Variants in SBNO2 observed in about 807,000 individuals in gnomAD.
SBNO2 encodes the protein strawberry notch homolog 2.
In SBNO2, 89 loss-of-function variants were observed where a neutral mutation model predicts 146.3. The observed-to-expected ratio is 0.61, with a 90% CI of 0.51 to 0.73. The LOEUF (loss-of-function observed/expected upper bound fraction) is 0.73. Among genes scored for constraint, SBNO2 ranks in the 30% least tolerant of loss-of-function variants. The probability of loss-of-function intolerance (pLI) is 0.00; values close to 1 mark genes in which losing one functional copy is unlikely to be tolerated. For synonymous variants in SBNO2, 1,147 were observed against 892.6 expected, an observed-to-expected ratio of 1.29 and a Z score of -5.08; for missense variants, 2,092 against 2,003.7, an observed-to-expected ratio of 1.04 and a Z score of -0.84.
chr19:1,149,248 A>G, intron 3 of SBNO2, 121 bp downstream of exon 3: 1 of 879,610 alleles, frequency 1.1e-6, no homozygotes, highest in South Asian at 1.6e-5. Flanking sequence ...CGTGCACACC[A>G]CCCTCCAAAC....
In SBNO2 at chr19:1,110,718, A is replaced by G; in HGVS notation, c.3028+27T>C. ...ACGAGCCCCGCACCCACACCCACCCACACCACACCCCGGCACCTGTGCTCA... is the reference window on the plus strand; with the variant it reads ...ACGAGCCCCGCACCCACACCCACCCGCACCACACCCCGGCACCTGTGCTCA... On this transcript the variant is annotated intron_variant, in intron 26 of 31. Coordinates refer to ENST00000361757, the MANE Select transcript of SBNO2 (RefSeq NM_014963.3). This position sits in a 1 kb window ranked among gnomAD's most constrained non-coding sequence, Gnocchi z 4.9. The G allele has an allele frequency of 6.4e-7, 1 of 1,573,408 alleles. No homozygotes were observed. Among genetic ancestry groups the G allele is most frequent in the Non-Finnish European group, 8.6e-7 (1 of 1,158,242 alleles).
At chr19:1,113,880 CCT>C (rs1244888758) in intron 18 of SBNO2, among the ~76,000 whole-genome samples, 176 bp from the exon 19 acceptor site, 5 of 152,210 alleles carry the variant, frequency 3.3e-5, no homozygotes, top group South Asian at 2.1e-4. Flanking sequence ...CACTTGTCTC[CCT>C]GAGACCAGCT....
intron 1 of SBNO2, among the ~76,000 whole-genome samples, chr19:1,166,293 C>G (rs986061711): frequency 4.0e-5 from 6 of 151,140 alleles, no homozygotes; most frequent in South Asian, 2.1e-4. Context: ...GGAGATTCCA[C>G]GACACAAATG....
chr19:1,130,188 G>T (rs994466910), intron 4 of SBNO2, among the ~76,000 whole-genome samples: 5 of 152,168 alleles, frequency 3.3e-5, no homozygotes, highest in African/African-American at 1.2e-4. Flanking sequence ...GCAAAGCGTG[G>T]GCCTCAGGAG....
intron 1 of SBNO2, among the ~76,000 whole-genome samples, chr19:1,164,834 C>CAGG (rs1455032493): frequency 1.6e-4 from 2 of 12,234 alleles, no homozygotes; most frequent in Non-Finnish European, 3.0e-4. Context: ...GGAGGAGGAA[C>CAGG]AGGAGGAGGA....
Position 1,154,292 on chromosome 19 carries a change from G to T in SBNO2, c.-16C>A. On this transcript the variant is annotated 5_prime_UTR_variant, in exon 2 of 32. Transcript: ENST00000361757. ...CTGCAAGCATCGGGCGGCAGGCGGG[G>T]TGGGGTCCTCGGCCGGGCAGCAGGC... 2 of 1,251,228 alleles carry T rather than the reference G, an allele frequency of 1.6e-6. No homozygotes were observed. The highest frequency in any genetic ancestry group is 2.0e-6 in the Non-Finnish European group (2 of 995,612). The allele number at this position is 1,251,228 out of a possible 1,614,324, so 77.5% of individuals were successfully genotyped here.
chr19:1,108,518 A>T lies in SBNO2; in HGVS notation c.3803T>A (p.Phe1268Tyr). 8.2e-7 allele frequency: 1 copy of T among 1,217,360 alleles called. No homozygotes were observed. The highest frequency in any genetic ancestry group is 1.0e-6 in the Non-Finnish European group (1 of 976,178). The allele number at this position is 1,217,360 out of a possible 1,614,324, so 75.4% of individuals were successfully genotyped here. The change falls in exon 32 of 32, where the codon TTC (phenylalanine) becomes TAC (tyrosine). Residue 1268 changes from phenylalanine to tyrosine, a missense_variant. By Grantham distance (22) the Phe-to-Tyr change is conservative. Coordinates refer to ENST00000361757, the MANE Select transcript of SBNO2 (RefSeq NM_014963.3). ...DLTYSPPAEA[F>Y]PPPPHFSFPA... ...GAAAGAGAAGTGCGGGGGCGGCGGG[A>T]AGGCCTCGGCCGGGGGGCTGTAGGT... is the stretch of plus-strand genomic sequence containing the variant.
At chr19:1,111,707 C>A in intron 23 of SBNO2, 93 bp from the exon 24 acceptor site, 1 of 739,040 alleles carries the variant, frequency 1.4e-6, no homozygotes, top group African/African-American at 2.2e-5. Flanking sequence ...CTCCCCTAGG[C>A]CCCTGGACCC....
intron 5 of SBNO2, among the ~76,000 whole-genome samples, chr19:1,125,274 G>A (rs948900162): frequency 2.0e-5 from 3 of 148,310 alleles, no homozygotes; most frequent in African/African-American, 7.5e-5. Flanking sequence ...CAGGAGAATC[G>A]CTTAAACCCA....
In SBNO2 at chr19:1,109,501, C is replaced by A; in HGVS notation, c.3216+5G>T. ...CTCTGGGGGGGTAACCCCGCCCGAC[C>A]CCACCTTGTAGGAGAGGTAGAAGCC... On this transcript the variant is annotated splice_donor_5th_base_variant and intron_variant, in intron 28 of 31. Transcript: ENST00000361757. The surrounding 1 kb of genome is among the most constrained non-coding windows in gnomAD (Gnocchi z 4.2). 6.3e-7 allele frequency: 1 copy of A among 1,592,042 alleles called. No individual in the cohort carries two copies. Among genetic ancestry groups the A allele is most frequent in the Non-Finnish European group, 8.5e-7 (1 of 1,170,746 alleles).
chr19:1,146,493 C>T (rs754610976), intron 4 of SBNO2, among the ~76,000 whole-genome samples: 3 of 152,142 alleles, frequency 2.0e-5, no homozygotes, highest in Non-Finnish European at 4.4e-5. Context: ...CTCACATGCC[C>T]ATTACACAGG....
In SBNO2 at chr19:1,108,237, C is replaced by T. The variant is rs749889412; in HGVS notation, c.4084G>A (p.Ala1362Thr). The stretch of plus-strand genomic sequence containing the variant: ...AAGGCGTGTCAGAGAGGAGCCTGGG[C>T]GCCGGGGAAGGGTGGGCTGAACTGG... Reference protein sequence around the residue: ...VIQFSPPFPGAQAPL With the variant: ...VIQFSPPFPGTQAPL Residue 1362 changes from alanine (A) to threonine (T), a missense_variant, in exon 32 of 32, where the codon GCC becomes ACC. Coordinates refer to ENST00000361757, the MANE Select transcript of SBNO2 (RefSeq NM_014963.3). The T allele has an allele frequency of 7.9e-6, 12 of 1,526,040 alleles. No individual in the cohort carries two copies. The highest frequency in any genetic ancestry group is 2.2e-4 in the Middle Eastern group (1 of 4,568). The allele number at this position is 1,526,040 out of a possible 1,614,324, so 94.5% of individuals were successfully genotyped here.
Position 1,108,148 on chromosome 19 carries a change from C to T in SBNO2, c.*72G>A, listed in dbSNP as rs988174652. On this transcript the variant is annotated 3_prime_UTR_variant, in exon 32 of 32. Transcript: ENST00000361757. ...TGAGCAGTGGTCAGGGGACCTTGGC[C>T]CTGCTCCCCACCGCTGCTCCTAGGG... 1.1e-5 allele frequency: 15 copies of T among 1,423,132 alleles called. No individual in the cohort carries two copies. Among genetic ancestry groups the T allele is most frequent in the East Asian group, 9.8e-5 (3 of 30,622 alleles). The allele number at this position is 1,423,132 out of a possible 1,614,324, so 88.2% of individuals were successfully genotyped here.
At position 1,109,975 on chromosome 19, in the gene SBNO2, G is replaced by A. The variant is rs1439802358; in HGVS notation, c.3029-198C>T. 6.6e-6 allele frequency among the ~76,000 whole-genome samples: 1 copy of A among 151,648 alleles called. No individual in the cohort carries two copies. Among genetic ancestry groups the A allele is most frequent in the Non-Finnish European group, 1.5e-5 (1 of 67,846 alleles). On this transcript the variant is annotated intron_variant, in intron 26 of 31. Transcript: ENST00000361757. This position sits in a 1 kb window ranked among gnomAD's most constrained non-coding sequence, Gnocchi z 4.2. The stretch of plus-strand genomic sequence containing the variant: ...CAACCTGGCAACCGCTCAGGTCCTA[G>A]GTAACCCCGAGCAGGCTGTGGGGGA...
In SBNO2 at chr19:1,114,348, C is replaced by A; in HGVS notation, c.1960G>T (p.Asp654Tyr). 1 of 1,557,534 alleles carries A rather than the reference C, an allele frequency of 6.4e-7. No individual in the cohort carries two copies. Among genetic ancestry groups the A allele is most frequent in the East Asian group, 2.4e-5 (1 of 41,374 alleles). Residue 654 changes from aspartate (D) to tyrosine (Y), a missense_variant, in exon 18 of 32, where the codon GAC (aspartate) becomes TAC (tyrosine). Physicochemically the swap from Asp to Tyr is radical, Grantham distance 160 (BLOSUM62 -3). Transcript: ENST00000361757. ...CCAGGGTCCGACTCCGTGCTGCTGT[C>A]GTCACTGATGCGGATGACGCCCGCT... is the stretch of plus-strand genomic sequence containing the variant. ...ETAGVIRISD[D>Y]SSTESDPGLD...
Position 1,117,333 on chromosome 19 carries a change from G to A in SBNO2, c.1694C>T (p.Ala565Val), listed in dbSNP as rs748768030. Residue 565 changes from alanine to valine, a missense_variant, in exon 15 of 32, where the codon GCG becomes GTG. Physicochemically the swap from Ala to Val is moderately conservative, Grantham distance 64. Transcript: ENST00000361757. ...RLVELAREEL[A>V]RDKCVVIGLQ... ...GCCGCAGCCGCTCACCTTGTCTCGC[G>A]CCAGCTCCTCTCGGGCCAGCTCCAC... 1.2e-4 allele frequency: 181 copies of A among 1,568,208 alleles called. No individual in the cohort carries two copies. Among genetic ancestry groups the A allele is most frequent in the Non-Finnish European group, 1.5e-4 (171 of 1,158,086 alleles).
chr19:1,112,243 C>T lies in SBNO2; in HGVS notation c.2574G>A (p.Glu858=). The T allele has an allele frequency of 6.3e-7, 1 of 1,592,658 alleles. No individual in the cohort carries two copies. The highest frequency in any genetic ancestry group is 8.5e-7 in the Non-Finnish European group (1 of 1,170,134). ...AGGCGAACCGGCGCTCCCCGGCCAG[C>T]TCCGAGATGAGGAAGACATACTCTG... The part of the protein sequence containing the change: ...SAPEYVFLIS[E]LAGERRFASI... The change falls in exon 22 of 32, where the codon GAG becomes GAA. Residue 858 remains glutamate (E), a synonymous_variant. Transcript: ENST00000361757. This position sits in a 1 kb window ranked among gnomAD's most constrained non-coding sequence, Gnocchi z 5.9.
intron 2 of SBNO2, among the ~76,000 whole-genome samples, chr19:1,149,817 T>A (rs2080226222): frequency 6.6e-6 from 1 of 151,980 alleles, no homozygotes; most frequent in African/African-American, 2.4e-5. Context: ...TTCTAGGAGG[T>A]GGAGGATCGG....
intron 1 of SBNO2, among the ~76,000 whole-genome samples, chr19:1,163,957 G>A (rs904700776): frequency 6.6e-6 from 1 of 152,202 alleles, no homozygotes; most frequent in Non-Finnish European, 1.5e-5. Flanking sequence ...ACAGGGAAAG[G>A]TGTACTGGCC....
Sources: allele counts gnomAD v4.1 joint callset (sites outside exome capture counted in the v4.1 genomes callset), GRCh38; gene constraint gnomAD v4.1.1; non-coding constraint Gnocchi (gnomAD v3.1); transcripts MANE v1.5; gene names NCBI Gene and HGNC (gene_info 2026-07-23, HGNC 2026-07-21).